The following SGK1 variants were observed in gnomAD, a reference collection of about 807,000 sequenced individuals.
SGK1 encodes serum/glucocorticoid regulated kinase 1.
In SGK1, 26 loss-of-function variants were observed where a neutral mutation model predicts 64.2. The ratio of observed to expected loss-of-function variants is 0.40; its 90% CI spans 0.30 to 0.56. The LOEUF is 0.56. Among genes scored for constraint, SGK1 ranks in the 20% least tolerant of loss-of-function variants. The pLI, the probability that SGK1 is intolerant of heterozygous loss-of-function variation, is 0.38. For synonymous variants in SGK1, 265 were observed against 239.7 expected, an observed-to-expected ratio of 1.11 and a Z score of -0.98; for missense variants, 519 against 645.6, an observed-to-expected ratio of 0.80 and a Z score of 2.12.
chr6:134,215,523 G>GA (rs1372162662), intron 2 of SGK1, among the ~76,000 whole-genome samples: 1 of 151,980 alleles, frequency 6.6e-6, no homozygotes, highest in African/African-American at 2.4e-5. Context: ...AATTGGTAGG[G>GA]AAAAAAAGCA....
rs868219646 is a variant in SGK1, at chr6:134,300,632, G to T, written c.69+16760C>A. ...GAAAGGAGTTAAAAATAAATGTTTG[G>T]TTTTTTTTTTTTTTTTTGGAGATGG... On this transcript the variant is annotated intron_variant, in intron 1 of 13. Transcript: ENST00000367858. Among the ~76,000 whole-genome samples the T allele has an allele frequency of 7.7e-3, 933 of 120,840 alleles. 7 individuals carry two copies. The highest frequency in any genetic ancestry group is 0.025 in the African/African-American group (870 of 35,014). The allele number at this position is 120,840 out of a possible 152,430, so 79.3% of individuals were successfully genotyped here.
chr6:134,274,796 TTTC>T (rs909389249), intron 1 of SGK1, among the ~76,000 whole-genome samples: 7 of 149,946 alleles, frequency 4.7e-5, no homozygotes, highest in Non-Finnish European at 7.5e-5. Flanking sequence ...AGTCTTTTCT[TTTC>T]TTTTCTTTTC....
chr6:134,183,507 TG>T (rs777273330), intron 3 of SGK1, among the ~76,000 whole-genome samples: 1 of 152,234 alleles, frequency 6.6e-6, no homozygotes, highest in Non-Finnish European at 1.5e-5. Context: ...GCAGCGTTGC[TG>T]TACTCAGGGA....
At chr6:134,206,948 G>A (rs144687066) in intron 3 of SGK1, among the ~76,000 whole-genome samples, 3,355 of 150,732 alleles carry the variant, frequency 0.022, 45 homozygotes, top group Middle Eastern at 0.064. Flanking sequence ...AAACAAGGCC[G>A]GGCGCGGTGG....
At chr6:134,232,038 CAAA>C (rs60207020) in intron 2 of SGK1, among the ~76,000 whole-genome samples, 2 of 102,522 alleles carry the variant, frequency 2.0e-5, no homozygotes, top group Non-Finnish European at 2.2e-5. Context: ...GACTTCATCT[CAAA>C]AAAAAAAAAA....
At chr6:134,285,541 T>G (rs1232784352) in intron 1 of SGK1, among the ~76,000 whole-genome samples, 1 of 151,768 alleles carries the variant, frequency 6.6e-6, no homozygotes, top group Non-Finnish European at 1.5e-5. Flanking sequence ...AATTTTTTTT[T>G]TTTTTTACTT....
At chr6:134,313,461 A>G (rs1006509939) in intron 1 of SGK1, among the ~76,000 whole-genome samples, 4 of 152,138 alleles carry the variant, frequency 2.6e-5, no homozygotes, top group Non-Finnish European at 5.9e-5. Flanking sequence ...AAGATAAAAC[A>G]TGGTTATTTT....
chr6:134,249,979 G>C (rs922466551), intron 2 of SGK1, among the ~76,000 whole-genome samples: 1 of 152,030 alleles, frequency 6.6e-6, no homozygotes, highest in Admixed American at 6.6e-5. Context: ...TGCTCCCCAC[G>C]TTACTTAACT....
intron 2 of SGK1, among the ~76,000 whole-genome samples, chr6:134,242,728 G>A (rs1284673837): frequency 6.6e-6 from 1 of 151,822 alleles, no homozygotes; most frequent in African/African-American, 2.4e-5. Flanking sequence ...GCTTCCCCAA[G>A]TGTTGGGATT....
intron 1 of SGK1, among the ~76,000 whole-genome samples, chr6:134,280,108 T>C (rs1035227057): frequency 6.6e-6 from 1 of 151,594 alleles, no homozygotes; most frequent in Non-Finnish European, 1.5e-5. Flanking sequence ...GGTGGAAGGG[T>C]TGCTTGAGCC....
intron 1 of SGK1, among the ~76,000 whole-genome samples, chr6:134,288,457 C>T (rs1562275366): frequency 6.6e-6 from 1 of 152,174 alleles, no homozygotes; most frequent in Non-Finnish European, 1.5e-5. Flanking sequence ...TAAAACTAAA[C>T]ATCTTTTCCA....
chr6:134,202,759 A>C (rs1775706224), intron 3 of SGK1, among the ~76,000 whole-genome samples: 1 of 152,216 alleles, frequency 6.6e-6, no homozygotes, highest in Admixed American at 6.5e-5. Flanking sequence ...AGAACATCAG[A>C]AATGGCAAAT....
chr6:134,263,019 G>C (rs935828275), intron 1 of SGK1, among the ~76,000 whole-genome samples: 3 of 151,878 alleles, frequency 2.0e-5, no homozygotes, highest in African/African-American at 7.3e-5. Context: ...CCCAAGCTGT[G>C]AAAATGCTAC....
chr6:134,175,701 C>G, intron 3 of SGK1: 1 of 1,430,114 alleles, frequency 7.0e-7, no homozygotes, highest in Non-Finnish European at 9.2e-7. Context: ...CGAGAGCGAC[C>G]GGCGAGCACT....
At chr6:134,266,141 C>T (rs540938898) in intron 1 of SGK1, among the ~76,000 whole-genome samples, 51 of 151,904 alleles carry the variant, frequency 3.4e-4, no homozygotes, top group African/African-American at 1.1e-3. Flanking sequence ...CGTGCCCCCA[C>T]GCCCAGCTAA....
chr6:134,314,302 G>A (rs530639611), intron 1 of SGK1, among the ~76,000 whole-genome samples: 5 of 151,512 alleles, frequency 3.3e-5, no homozygotes, highest in Admixed American at 6.6e-5. Flanking sequence ...AGGCTTGGCC[G>A]CTTTTATAGG....
chr6:134,276,590 G>A (rs1310984595), intron 1 of SGK1, among the ~76,000 whole-genome samples: 1 of 152,138 alleles, frequency 6.6e-6, no homozygotes, highest in Non-Finnish European at 1.5e-5. Flanking sequence ...AGCATGATCT[G>A]ATCAGATTTG....
intron 3 of SGK1, among the ~76,000 whole-genome samples, chr6:134,203,307 G>A (rs1363834475): frequency 3.3e-5 from 5 of 152,116 alleles, no homozygotes; most frequent in Non-Finnish European, 7.4e-5. Flanking sequence ...AAAATGTGAT[G>A]CAAAGAGGAT....
At chr6:134,266,113 G>A (rs1174621771) in intron 1 of SGK1, among the ~76,000 whole-genome samples, 6 of 151,790 alleles carry the variant, frequency 4.0e-5, no homozygotes, top group African/African-American at 1.2e-4. Context: ...CCTCCTGAGT[G>A]GCTGGAATTA....
Sources: allele counts gnomAD v4.1 joint callset (sites outside exome capture counted in the v4.1 genomes callset), GRCh38; gene constraint gnomAD v4.1.1; transcripts MANE v1.5; gene names NCBI Gene and HGNC (gene_info 2026-07-23, HGNC 2026-07-21).